Variants in QKI observed in about 807,000 individuals in gnomAD.
The protein encoded by QKI is QKI, KH domain containing RNA binding.
QKI carries 10 observed loss-of-function variants against 39.0 expected under a neutral mutation model. The ratio of observed to expected loss-of-function variants is 0.26; its 90% confidence interval spans 0.16 to 0.43. The LOEUF (loss-of-function observed/expected upper bound fraction) is 0.43, where lower values mean the gene tolerates loss of function less well. Among genes scored for constraint, QKI ranks in the 20% least tolerant of loss-of-function variants. The probability of loss-of-function intolerance (pLI) is 1.00; values close to 1 mark genes in which losing one functional copy is unlikely to be tolerated. For synonymous variants in QKI, 204 were observed against 155.4 expected (o/e 1.31, Z -2.33); for missense variants, 218 against 428.0 (o/e 0.51, Z 4.33).
At chr6:163,519,263 T>G (rs1217732444) in intron 3 of QKI, among the ~76,000 whole-genome samples, 8 of 152,068 alleles carry the variant, frequency 5.3e-5, no homozygotes, top group Admixed American at 5.2e-4. Flanking sequence ...TGAAATGAAA[T>G]GATATGTAGA....
rs1351273788 is a variant in QKI, at chr6:163,562,070, G to A, written c.634+1G>A. On this transcript the variant is annotated splice_donor_variant, in intron 5 of 7. Transcript: ENST00000361752. LOFTEE classifies it high-confidence loss of function. ...TACAGAGATGCCAACATTAAATCAC[G>A]TAAGAATGAGCTCTGAGGCCCAGGG... 3 of 1,610,326 alleles carry A rather than the reference G, an allele frequency of 1.9e-6. No individual in the cohort carries two copies. The highest frequency in any genetic ancestry group is 2.5e-6 in the Non-Finnish European group (3 of 1,178,384).
chr6:163,522,852 G>A (rs183299638), intron 3 of QKI, among the ~76,000 whole-genome samples: 5 of 152,060 alleles, frequency 3.3e-5, no homozygotes, highest in Non-Finnish European at 1.5e-5. Flanking sequence ...CATGAAGACA[G>A]CTGTGAATTA....
At chr6:163,529,996 G>A (rs1780754936) in intron 3 of QKI, among the ~76,000 whole-genome samples, 1 of 152,120 alleles carries the variant, frequency 6.6e-6, no homozygotes, top group Non-Finnish European at 1.5e-5. Flanking sequence ...GAAATCAGGG[G>A]GCAGTACTGT....
intron 1 of QKI, among the ~76,000 whole-genome samples, chr6:163,427,125 C>G (rs1276571797): frequency 6.6e-6 from 1 of 152,012 alleles, no homozygotes; most frequent in Admixed American, 6.6e-5. Flanking sequence ...TCATTACTCT[C>G]AGGATGTGAT....
chr6:163,473,922 TAA>T (rs35101956), intron 2 of QKI, among the ~76,000 whole-genome samples: 1,573 of 151,016 alleles, frequency 0.01, 13 homozygotes, highest in Non-Finnish European at 0.014. Context: ...GGACATTTCT[TAA>T]AAAAAAAAAT....
intron 6 of QKI, chr6:163,566,384 G>A: frequency 8.2e-7 from 1 of 1,216,488 alleles, no homozygotes; most frequent in South Asian, 1.9e-5. Flanking sequence ...TATTTAAGTA[G>A]TCCTGCTGCA....
chr6:163,578,553 C>A lies in QKI; in HGVS notation c.*7843C>A, dbSNP rs999939983. On this transcript the variant is annotated 3_prime_UTR_variant, in exon 8 of 8. Transcript: ENST00000361752. ...TATGCTTTTGTTCATTGCTTTCTCA[C>A]TGAGGTAAAACAGCATTAAAAAGTT... 1 of 152,142 alleles carries A rather than the reference C, an allele frequency of 6.6e-6. No individual in the cohort carries two copies. Among genetic ancestry groups the A allele is most frequent in the Admixed American group, 6.5e-5 (1 of 15,276 alleles). The allele number at this position is 152,142 out of a possible 1,614,324, so 9.4% of individuals were successfully genotyped here.
At chr6:163,490,434 C>G (rs543099954) in intron 3 of QKI, among the ~76,000 whole-genome samples, 1 of 152,240 alleles carries the variant, frequency 6.6e-6, no homozygotes, top group African/African-American at 2.4e-5. Context: ...TGCAGGAAGT[C>G]AAGAAGTAAT....
intron 3 of QKI, among the ~76,000 whole-genome samples, chr6:163,510,505 G>A (rs1257334163): frequency 6.6e-6 from 1 of 151,964 alleles, no homozygotes; most frequent in Non-Finnish European, 1.5e-5. Flanking sequence ...GGGTTGCAGT[G>A]AGCCAAGATT....
chr6:163,556,420 G>A (rs1265540698), intron 4 of QKI, among the ~76,000 whole-genome samples: 2 of 149,420 alleles, frequency 1.3e-5, no homozygotes, highest in African/African-American at 2.5e-5. Flanking sequence ...GCTGAGGCAG[G>A]AGAATCCCAG....
chr6:163,542,185 G>C (rs974366633), intron 4 of QKI, among the ~76,000 whole-genome samples: 4 of 151,898 alleles, frequency 2.6e-5, no homozygotes, highest in Non-Finnish European at 5.9e-5. Context: ...ATATAAAACT[G>C]TCTCTCCACA....
chr6:163,569,788 T>G (rs1007585965), intron 7 of QKI: 40 of 984,946 alleles, frequency 4.1e-5, no homozygotes, highest in African/African-American at 7.0e-5. Flanking sequence ...AGTATTAGCT[T>G]TGAAATTGAA....
At chr6:163,516,773 C>A (rs978506234) in intron 3 of QKI, among the ~76,000 whole-genome samples, 1 of 152,002 alleles carries the variant, frequency 6.6e-6, no homozygotes, top group Non-Finnish European at 1.5e-5. Flanking sequence ...ATACTACTTG[C>A]GTTCTTACTG....
intron 3 of QKI, among the ~76,000 whole-genome samples, chr6:163,496,749 T>A (rs578101617): frequency 6.6e-6 from 1 of 152,300 alleles, no homozygotes; most frequent in South Asian, 2.1e-4. Flanking sequence ...CTACTCCCTC[T>A]GCCTGGAATA....
intron 1 of QKI, chr6:163,415,953 C>A: frequency 2.0e-6 from 1 of 505,648 alleles, no homozygotes. Flanking sequence ...ATTATGCTGG[C>A]GTAGCCGACA....
chr6:163,541,829 A>G (rs1434014496), intron 4 of QKI, among the ~76,000 whole-genome samples: 1 of 151,840 alleles, frequency 6.6e-6, no homozygotes, highest in East Asian at 1.9e-4. Flanking sequence ...CATCTTTTCT[A>G]TAAAGATAGT....
At chr6:163,415,840 C>T (rs1174955722) in intron 1 of QKI, 5 of 482,500 alleles carry the variant, frequency 1.0e-5, no homozygotes, top group Admixed American at 2.2e-5. Context: ...CCCGTGAGGA[C>T]TAAAGCGGGG....
Position 163,575,974 on chromosome 6 carries a change from G to A in QKI, c.*5264G>A, listed in dbSNP as rs1003162627. On this transcript the variant is annotated 3_prime_UTR_variant, in exon 8 of 8. Coordinates refer to ENST00000361752, the MANE Select transcript of QKI (RefSeq NM_006775.3). ...CAGCATTTCAAGCAAATTATTTTAG[G>A]TAGAATAGAACTTACTGCCAAATGA... is the stretch of plus-strand genomic sequence containing the variant. 3.9e-5 allele frequency: 6 copies of A among 152,028 alleles called. No individual in the cohort carries two copies. Among genetic ancestry groups the A allele is most frequent in the African/African-American group, 1.5e-4 (6 of 41,364 alleles). The allele number at this position is 152,028 out of a possible 1,614,324, so 9.4% of individuals were successfully genotyped here. A position where few individuals can be genotyped will look rare whatever the true frequency, so the allele number is the denominator to read the frequency against.
chr6:163,551,768 T>C (rs1562535774), intron 4 of QKI, among the ~76,000 whole-genome samples: 1 of 152,236 alleles, frequency 6.6e-6, no homozygotes, highest in African/African-American at 2.4e-5. Context: ...AGTACTTCAT[T>C]ACTGTGATGA....
Sources: gnomAD v4.1 joint callset for allele counts (sites outside exome capture counted in the v4.1 genomes callset) on GRCh38, gnomAD v4.1.1 for gene constraint, MANE v1.5 for transcripts, NCBI Gene and HGNC (gene_info 2026-07-23, HGNC 2026-07-21) for gene names.